Variants in HPSE2 observed in about 807,000 individuals in gnomAD.
HPSE2 encodes inactive heparanase-2.
A neutral mutation model predicts 60.5 loss-of-function variants in HPSE2; 38 were observed. The ratio of observed to expected loss-of-function variants is 0.63; its 90% CI spans 0.48 to 0.82. HPSE2 has a LOEUF of 0.82. Among genes scored for constraint, HPSE2 ranks in the 40% least tolerant of loss-of-function variants. HPSE2 has a pLI of 0.00. For missense variants in HPSE2, 713 were observed against 740.4 expected (o/e 0.96, Z 0.43); for synonymous variants, 295 against 293.2 (o/e 1.01, Z -0.06).
At chr10:99,213,612 T>C (rs1849022918) in intron 2 of HPSE2, among the ~76,000 whole-genome samples, 1 of 152,112 alleles carries the variant, frequency 6.6e-6, no homozygotes. Flanking sequence ...ATGTTCTCCC[T>C]TGAGTATTTG....
intron 3 of HPSE2, among the ~76,000 whole-genome samples, chr10:99,116,177 A>T (rs1844681346): frequency 6.6e-6 from 1 of 151,838 alleles, no homozygotes; most frequent in Non-Finnish European, 1.5e-5. Context: ...TATTTCACTA[A>T]TCCTTACGTA....
intron 7 of HPSE2, among the ~76,000 whole-genome samples, chr10:98,641,083 C>A (rs1053007353): frequency 6.6e-6 from 1 of 152,166 alleles, no homozygotes; most frequent in African/African-American, 2.4e-5. Flanking sequence ...TAAGATCTTA[C>A]TTGGCTAATT....
At chr10:98,715,765 A>G (rs1241853028) in intron 5 of HPSE2, among the ~76,000 whole-genome samples, 1 of 152,054 alleles carries the variant, frequency 6.6e-6, no homozygotes, top group African/African-American at 2.4e-5. Context: ...CTGAGCCTTC[A>G]GTGAGTCATA....
At chr10:98,734,090 A>G (rs1002988752) in intron 4 of HPSE2, among the ~76,000 whole-genome samples, 13 of 152,202 alleles carry the variant, frequency 8.5e-5, no homozygotes, top group Admixed American at 1.3e-4. Flanking sequence ...GACATTTCAT[A>G]TAAGGGGAAT....
intron 9 of HPSE2, among the ~76,000 whole-genome samples, chr10:98,494,038 TAAC>T (rs1941748971): frequency 6.6e-6 from 1 of 152,244 alleles, no homozygotes; most frequent in African/African-American, 2.4e-5. Flanking sequence ...AGCTTAACTT[TAAC>T]AACATACAAA....
the HPSE2 span, among the ~76,000 whole-genome samples, chr10:99,307,792 T>C: frequency 1.4e-5 from 2 of 148,064 alleles, no homozygotes; most frequent in East Asian, 2.0e-4. Context: ...AATATGAGCA[T>C]AATAAAGAAG....
intron 3 of HPSE2, among the ~76,000 whole-genome samples, chr10:98,757,532 CCAA>C: frequency 6.6e-6 from 1 of 152,146 alleles, no homozygotes; most frequent in African/African-American, 2.4e-5. Context: ...TTTCTATACA[CCAA>C]CATTGTCCAA....
chr10:99,162,926 A>G (rs1192588034), intron 2 of HPSE2, among the ~76,000 whole-genome samples: 1 of 152,150 alleles, frequency 6.6e-6, no homozygotes, highest in Non-Finnish European at 1.5e-5. Flanking sequence ...AATAGGCTTC[A>G]TGGCCAGGCG....
intron 9 of HPSE2, among the ~76,000 whole-genome samples, chr10:98,593,038 A>T (rs1945132521): frequency 6.6e-6 from 1 of 152,236 alleles, no homozygotes; most frequent in Admixed American, 6.5e-5. Flanking sequence ...ACTCATTTCA[A>T]TTTAATCCCA....
intron 3 of HPSE2, among the ~76,000 whole-genome samples, chr10:98,828,854 T>TA (rs1187544786): frequency 6.6e-6 from 1 of 152,168 alleles, no homozygotes; most frequent in African/African-American, 2.4e-5. Context: ...CATTTCTGAC[T>TA]ATATAACCAA....
At chr10:98,651,197 A>G (rs1946904901) in intron 6 of HPSE2, among the ~76,000 whole-genome samples, 1 of 152,220 alleles carries the variant, frequency 6.6e-6, no homozygotes, top group Non-Finnish European at 1.5e-5. Context: ...TTAAAAAGAA[A>G]AGTTAGCTCT....
chr10:98,457,308 C>T lies in HPSE2; in HGVS notation c.*2266G>A, dbSNP rs1342269018. 2 of 152,214 alleles carry T rather than the reference C, an allele frequency of 1.3e-5. 1 individual carries two copies. Among genetic ancestry groups the T allele is most frequent in the Admixed American group, 1.3e-4 (2 of 15,276 alleles). The allele number at this position is 152,214 out of a possible 1,614,324, so 9.4% of individuals were successfully genotyped here. ...AAAGATGTGAAGGAGGTGTCTGGAC[C>T]TGTGGAGCCGCTGAGCCTTGTGGCT... On this transcript the variant is annotated 3_prime_UTR_variant, in exon 12 of 12. Transcript: ENST00000370552.
intron 3 of HPSE2, among the ~76,000 whole-genome samples, chr10:98,946,172 C>G (rs1467281048): frequency 6.6e-6 from 1 of 151,898 alleles, no homozygotes; most frequent in African/African-American, 2.4e-5. Context: ...TAAAATTTGT[C>G]AAAATTTACG....
intron 3 of HPSE2, among the ~76,000 whole-genome samples, chr10:98,989,015 T>C (rs1363732992): frequency 2.0e-5 from 3 of 150,088 alleles, no homozygotes; most frequent in Non-Finnish European, 4.4e-5. Flanking sequence ...GGAGAGGATG[T>C]GGAGAAATAG....
At chr10:98,653,906 T>C (rs1946987791) in intron 6 of HPSE2, among the ~76,000 whole-genome samples, 1 of 152,056 alleles carries the variant, frequency 6.6e-6, no homozygotes. Context: ...GGTGATAAAT[T>C]CCCTCAGTTT....
chr10:98,690,377 A>C (rs1948045103), intron 6 of HPSE2, among the ~76,000 whole-genome samples: 1 of 152,068 alleles, frequency 6.6e-6, no homozygotes, highest in Non-Finnish European at 1.5e-5. Flanking sequence ...CATCTCTAAT[A>C]AACATGCAAA....
intron 4 of HPSE2, among the ~76,000 whole-genome samples, chr10:98,731,909 A>T (rs1020168914): frequency 6.6e-6 from 1 of 152,224 alleles, no homozygotes; most frequent in Non-Finnish European, 1.5e-5. Flanking sequence ...GGGAAAAAAT[A>T]CAAAATCTAA....
the HPSE2 span, among the ~76,000 whole-genome samples, chr10:99,286,348 A>G: frequency 6.6e-6 from 1 of 152,250 alleles, no homozygotes; most frequent in Non-Finnish European, 1.5e-5. Context: ...GAATGGATAA[A>G]TAAAATCTTA....
intron 3 of HPSE2, among the ~76,000 whole-genome samples, chr10:98,812,506 C>T (rs1951191834): frequency 6.6e-6 from 1 of 152,132 alleles, no homozygotes; most frequent in South Asian, 2.1e-4. Context: ...TTGAGGAATA[C>T]TAGTCTATAT....
Sources: gnomAD v4.1 joint callset for allele counts (sites outside exome capture counted in the v4.1 genomes callset) on GRCh38, gnomAD v4.1.1 for gene constraint, MANE v1.5 for transcripts, NCBI Gene and HGNC (gene_info 2026-07-23, HGNC 2026-07-21) for gene names.